The following RIMS4 variants were observed in gnomAD, a reference collection of about 807,000 sequenced individuals.
The protein encoded by RIMS4 is regulating synaptic membrane exocytosis 4.
RIMS4 carries 9 observed loss-of-function variants against 29.0 expected under a neutral mutation model. That is an observed-to-expected ratio of 0.31 (90% CI 0.19 to 0.54). The LOEUF (loss-of-function observed/expected upper bound fraction) is 0.54. Ranked by LOEUF, RIMS4 falls within the 20% of genes least tolerant of loss-of-function variation. The probability of loss-of-function intolerance (pLI) is 0.94; values close to 1 mark genes in which losing one functional copy is unlikely to be tolerated. For missense variants in RIMS4, 193 were observed against 365.7 expected (o/e 0.53, Z 3.85); for synonymous variants, 130 against 152.9 (o/e 0.85, Z 1.10).
intron 2 of RIMS4, among the ~76,000 whole-genome samples, chr20:44,768,168 C>T (rs1461552536): frequency 6.6e-6 from 1 of 152,230 alleles, no homozygotes; most frequent in Non-Finnish European, 1.5e-5. Context: ...CTGTCCTTTG[C>T]AGCTCTCCCC....
intron 1 of RIMS4, among the ~76,000 whole-genome samples, chr20:44,808,107 C>CA (rs2066307074): frequency 1.3e-5 from 2 of 151,426 alleles, no homozygotes; most frequent in African/African-American, 4.9e-5. Flanking sequence ...TACACACACA[C>CA]CCATTCCAGG....
chr20:44,803,496 G>A (rs902649751), intron 1 of RIMS4, among the ~76,000 whole-genome samples: 5 of 152,218 alleles, frequency 3.3e-5, no homozygotes, highest in Non-Finnish European at 5.9e-5. Context: ...CTGCCCTCTC[G>A]CCACCCCCAT....
rs1439380941 is a variant in RIMS4, at chr20:44,785,221, A to ATTC, written c.98-13811_98-13809dup. ...GCCTGCAATCCCTGGATTAAAAGCC[A>ATTC]TTCTTCTTCTTTTTTTTTTTTTTTC... is the stretch of plus-strand genomic sequence containing the variant. On this transcript the variant is annotated intron_variant, in intron 1 of 5. Coordinates refer to ENST00000372851, the MANE Select transcript of RIMS4 (RefSeq NM_182970.4). 3.3e-5 allele frequency among the ~76,000 whole-genome samples: 5 copies of ATTC among 150,440 alleles called. No homozygotes were observed. In the South Asian group the frequency reaches 1.0e-3, roughly 32 times the overall value.
chr20:44,788,604 C>T (rs1440837739), intron 1 of RIMS4, among the ~76,000 whole-genome samples: 2 of 152,066 alleles, frequency 1.3e-5, no homozygotes, highest in Non-Finnish European at 2.9e-5. Context: ...GAGACCCTGT[C>T]TCTCAAAAAA....
chr20:44,807,467 T>C (rs2066303669), intron 1 of RIMS4, among the ~76,000 whole-genome samples: 1 of 152,006 alleles, frequency 6.6e-6, no homozygotes, highest in Non-Finnish European at 1.5e-5. Context: ...CATTTCAACA[T>C]GAGTTGGAAG....
chr20:44,771,477 A>G (rs1452450322), intron 1 of RIMS4, 64 bp from the exon 2 acceptor site: 2 of 1,550,586 alleles, frequency 1.3e-6, no homozygotes, highest in East Asian at 2.3e-5. Flanking sequence ...GACAGAGAGA[A>G]GAGTCATCTG....
chr20:44,793,282 C>G (rs982653975), intron 1 of RIMS4, among the ~76,000 whole-genome samples: 1 of 152,218 alleles, frequency 6.6e-6, no homozygotes, highest in African/African-American at 2.4e-5. Flanking sequence ...AAGTTTAAAT[C>G]AGGCTATTAA....
chr20:44,759,745 G>T (rs1443067555), intron 2 of RIMS4, among the ~76,000 whole-genome samples: 1 of 152,226 alleles, frequency 6.6e-6, no homozygotes, highest in African/African-American at 2.4e-5. Context: ...AAAGTCACAA[G>T]AACTGAGCCA....
intron 1 of RIMS4, among the ~76,000 whole-genome samples, chr20:44,774,604 G>A (rs2066151698): frequency 6.6e-6 from 1 of 152,128 alleles, no homozygotes; most frequent in African/African-American, 2.4e-5. Context: ...TGCCTATTGT[G>A]GGACCTTGCC....
At chr20:44,793,218 C>T (rs1335525811) in intron 1 of RIMS4, among the ~76,000 whole-genome samples, 4 of 152,138 alleles carry the variant, frequency 2.6e-5, no homozygotes, top group East Asian at 3.9e-4. Flanking sequence ...CAAGATTGTG[C>T]GGCCCAGGGC....
intron 2 of RIMS4, 38 bp downstream of exon 2, chr20:44,771,237 A>C (rs761527588): frequency 3.8e-6 from 6 of 1,585,454 alleles, no homozygotes; most frequent in South Asian, 1.1e-5. Context: ...ACCACAAAAG[A>C]CTGCAAGAAC....
intron 1 of RIMS4, among the ~76,000 whole-genome samples, chr20:44,807,508 C>T (rs528983681): frequency 2.6e-5 from 4 of 152,164 alleles, no homozygotes; most frequent in Middle Eastern, 3.4e-3. Context: ...CTAGATGAGC[C>T]GGAGGCCTGT....
chr20:44,768,584 G>A (rs1057333080), intron 2 of RIMS4, among the ~76,000 whole-genome samples: 2 of 152,122 alleles, frequency 1.3e-5, no homozygotes, highest in African/African-American at 2.4e-5. Flanking sequence ...TCCCTACCTC[G>A]CCCAGGTGTT....
intron 2 of RIMS4, among the ~76,000 whole-genome samples, chr20:44,767,489 G>A (rs915756615): frequency 1.3e-5 from 2 of 152,218 alleles, no homozygotes; most frequent in African/African-American, 2.4e-5. Flanking sequence ...GGCCCATGGT[G>A]TGGAAAGAGA....
chr20:44,802,215 G>T (rs938333859), intron 1 of RIMS4, among the ~76,000 whole-genome samples: 2 of 152,158 alleles, frequency 1.3e-5, no homozygotes, highest in Non-Finnish European at 2.9e-5. Context: ...GGTTAAACAT[G>T]CACTCTCATC....
At chr20:44,795,689 G>A (rs544759795) in intron 1 of RIMS4, among the ~76,000 whole-genome samples, 3 of 152,096 alleles carry the variant, frequency 2.0e-5, no homozygotes, top group Admixed American at 6.5e-5. Context: ...TTTGGGGCTC[G>A]AATGAGTGAA....
At chr20:44,797,799 C>T (rs995690546) in intron 1 of RIMS4, among the ~76,000 whole-genome samples, 6 of 152,224 alleles carry the variant, frequency 3.9e-5, no homozygotes, top group African/African-American at 1.4e-4. Context: ...CCTTCCCGCA[C>T]TCCCCAGTCA....
At chr20:44,807,892 T>G (rs1294862860) in intron 1 of RIMS4, among the ~76,000 whole-genome samples, 1 of 151,964 alleles carries the variant, frequency 6.6e-6, no homozygotes, top group Non-Finnish European at 1.5e-5. Flanking sequence ...AACCAAACTC[T>G]TGGTCGCCAG....
chr20:44,781,273 T>C (rs886554162), intron 1 of RIMS4, among the ~76,000 whole-genome samples: 5 of 152,144 alleles, frequency 3.3e-5, no homozygotes, highest in Admixed American at 2.6e-4. Flanking sequence ...CCAGAATAGA[T>C]AGGCAAGTAA....
Sources: allele counts gnomAD v4.1 joint callset (sites outside exome capture counted in the v4.1 genomes callset), GRCh38; gene constraint gnomAD v4.1.1; transcripts MANE v1.5; gene names NCBI Gene and HGNC (gene_info 2026-07-23, HGNC 2026-07-21).